OC90: variants seen among roughly 807,000 people sequenced by gnomAD.
OC90 encodes the protein otoconin-90.
OC90 carries 46 observed loss-of-function variants against 47.3 expected under a neutral mutation model. That is an observed-to-expected ratio of 0.97 (90% confidence interval 0.77 to 1.24). OC90 has a LOEUF of 1.24. Ranked by LOEUF, OC90 falls within the 50% of genes most tolerant of loss-of-function variation. The pLI is 0.00. For synonymous variants in OC90, 271 were observed against 219.5 expected, an observed-to-expected ratio of 1.23 and a Z score of -2.07; for missense variants, 688 against 583.9, an observed-to-expected ratio of 1.18 and a Z score of -1.84.
chr8:132,037,438 C>T lies in OC90; in HGVS notation c.679G>A (p.Glu227Lys), dbSNP rs1189431218. The T allele has an allele frequency of 3.8e-6, 6 of 1,582,074 alleles. No homozygotes were observed. Among genetic ancestry groups the T allele is most frequent in the Admixed American group, 1.8e-5 (1 of 55,642 alleles). Residue 227 changes from glutamate to lysine, a missense_variant and splice_region_variant, in exon 9 of 14, where the codon GAA (glutamate) becomes AAA (lysine). Glu to Lys is a moderately conservative substitution (Grantham distance 56, BLOSUM62 1). Transcript: ENST00000254627. ...TCCACACTAGCCCCTTCTGGCTCACCTTCTCCTGAAAGGGCTGTCAGGCTG... is the reference window on the plus strand; with the variant it reads ...TCCACACTAGCCCCTTCTGGCTCACTTTCTCCTGAAAGGGCTGTCAGGCTG... ...DTSLTALSGE[E>K]AGHDQEGVGA...
Position 132,055,201 on chromosome 8 carries a change from G to A in OC90, c.-47-128C>T, listed in dbSNP as rs144252765. 340 of 551,562 alleles carry A rather than the reference G, an allele frequency of 6.2e-4. 5 individuals are homozygous for A. The East Asian group carries it at 9.9e-3, about 16-fold the overall frequency. 34.2% of individuals were successfully genotyped at this position (551,562 alleles called of 1,614,324 possible). On this transcript the variant is annotated intron_variant, in intron 1 of 13. Transcript: ENST00000254627. Reference sequence around the variant, plus strand: ...TAAAAGGAGAAAGCCCTGAAAGGGTGTAGGTCCCAGTTTTGCCACTAACTG... The same window carrying A: ...TAAAAGGAGAAAGCCCTGAAAGGGTATAGGTCCCAGTTTTGCCACTAACTG...
At chr8:132,032,888 G>A (rs1822896183) in intron 11 of OC90, 151 bp downstream of exon 11, 2 of 879,464 alleles carry the variant, frequency 2.3e-6, no homozygotes, top group Non-Finnish European at 3.4e-6. Flanking sequence ...TCTCCTCTGA[G>A]CCTCAAGGTG....
chr8:132,025,571 C>T (rs774869786), intron 13 of OC90, among the ~76,000 whole-genome samples: 3 of 152,094 alleles, frequency 2.0e-5, no homozygotes, highest in Non-Finnish European at 4.4e-5. Flanking sequence ...TAGCTAACAG[C>T]CTGCCCCGGG....
chr8:132,029,659 A>T (rs1428037597), intron 12 of OC90, among the ~76,000 whole-genome samples: 1 of 152,204 alleles, frequency 6.6e-6, no homozygotes. Context: ...CTTAAAAAAG[A>T]GCAGAGTAAC....
At chr8:132,051,708 C>T (rs757847631) in intron 2 of OC90, among the ~76,000 whole-genome samples, 1 of 152,098 alleles carries the variant, frequency 6.6e-6, no homozygotes, top group Non-Finnish European at 1.5e-5. Context: ...AACTTAAGAC[C>T]GAGGACTGTA....
intron 12 of OC90, among the ~76,000 whole-genome samples, chr8:132,030,723 TAAGTTTTG>T (rs1312555440): frequency 1.3e-5 from 2 of 152,008 alleles, no homozygotes; most frequent in African/African-American, 4.8e-5. Context: ...TGGTGGGAGG[TAAGTTTTG>T]AAGGCTGACT....
intron 5 of OC90, among the ~76,000 whole-genome samples, 160 bp from the exon 6 acceptor site, chr8:132,041,316 G>A (rs1429146719): frequency 1.3e-5 from 2 of 152,282 alleles, no homozygotes; most frequent in East Asian, 3.9e-4. Context: ...ACATAACATA[G>A]GATCTTAATA....
chr8:132,037,586 G>A, intron 8 of OC90, 98 bp from the exon 9 acceptor site: 1 of 1,000,434 alleles, frequency 1.0e-6, no homozygotes, highest in East Asian at 2.6e-5. Context: ...GCTGGCCCAA[G>A]GGAGGAAAGG....
chr8:132,051,145 T>A (rs1445989258), intron 2 of OC90, among the ~76,000 whole-genome samples: 4 of 152,182 alleles, frequency 2.6e-5, no homozygotes, highest in African/African-American at 9.7e-5. Flanking sequence ...ACTCTAGAGA[T>A]GAGAAAACTG....
At position 132,024,643 on chromosome 8, in the gene OC90, G is replaced by A. The variant is rs749615461; in HGVS notation, c.1272C>T (p.Ala424=). Residue 424 remains alanine (A), a synonymous_variant, in exon 14 of 14, where the codon GCC becomes GCT. Transcript: ENST00000254627. ...GCACAGGGTGCAGGCTGTCTTCACA[G>A]GCTGCTGGCTGCCCAGGGCACCCGA... ...SRLGCPGQPA[A]CEDSLHPVPA... The A allele has an allele frequency of 4.3e-6, 7 of 1,613,124 alleles. No homozygotes were observed. Among genetic ancestry groups the A allele is most frequent in the Admixed American group, 1.7e-5 (1 of 59,972 alleles).
rs899768213 is a variant in OC90 at position 132,055,002 on chromosome 8, C to T, written c.25G>A (p.Val9Met). 37 of 1,550,862 alleles carry T rather than the reference C, an allele frequency of 2.4e-5. No individual in the cohort carries two copies. In the Admixed American group the frequency reaches 6.9e-4, roughly 29 times the overall value. The change falls in exon 2 of 14, where the codon GTG becomes ATG. Residue 9 changes from valine to methionine, a missense_variant. Val to Met is a conservative substitution (Grantham distance 21). Coordinates refer to ENST00000254627, the MANE Select transcript of OC90 (RefSeq NM_001080399.3). ...TCACCGGCATGGGGGATCATCAGCACACTGGTGAGGAGAAACGCAATCATA... is the reference window on the plus strand; with the variant it reads ...TCACCGGCATGGGGGATCATCAGCATACTGGTGAGGAGAAACGCAATCATA... MIAFLLTS[V>M]LMIPHAGGHP...
intron 2 of OC90, among the ~76,000 whole-genome samples, chr8:132,052,914 CCCGGT>C (rs1277236322): frequency 4.5e-5 from 6 of 133,192 alleles, no homozygotes; most frequent in African/African-American, 8.0e-5. Flanking sequence ...CTTTTTCTCA[CCCGGT>C]ACGTACGGCT....
intron 6 of OC90, among the ~76,000 whole-genome samples, chr8:132,040,030 C>T (rs1823029836): frequency 1.3e-5 from 2 of 152,330 alleles, no homozygotes; most frequent in African/African-American, 4.8e-5. Flanking sequence ...CTATCCCCAG[C>T]ACAGAAGATT....
At chr8:132,041,819 A>C in intron 4 of OC90, 120 bp from the exon 5 acceptor site, 1 of 583,762 alleles carries the variant, frequency 1.7e-6, no homozygotes, top group South Asian at 2.2e-5. Flanking sequence ...GTAAGCACCT[A>C]CTCTGTAATA....
chr8:132,057,541 G>A (rs1382807675), intron 1 of OC90, among the ~76,000 whole-genome samples: 5 of 152,288 alleles, frequency 3.3e-5, no homozygotes, highest in African/African-American at 1.2e-4. Flanking sequence ...TTCAGTAGGG[G>A]AAGATGAAAA....
At chr8:132,033,017 G>A in intron 11 of OC90, 22 bp downstream of exon 11, 1 of 1,604,474 alleles carries the variant, frequency 6.2e-7, no homozygotes, top group South Asian at 1.1e-5. Context: ...CAGCGGAGAG[G>A]ACAGACACTG....
At chr8:132,027,719 G>A (rs1822779533) in intron 13 of OC90, among the ~76,000 whole-genome samples, 1 of 152,212 alleles carries the variant, frequency 6.6e-6, no homozygotes. Flanking sequence ...AGGCCCTGAA[G>A]GGATACAGAG....
chr8:132,032,378 C>T (rs535821065), intron 11 of OC90, among the ~76,000 whole-genome samples: 3 of 152,270 alleles, frequency 2.0e-5, no homozygotes, highest in South Asian at 4.1e-4. Context: ...GTAGACCTGG[C>T]ATCCTGGGAG....
intron 2 of OC90, among the ~76,000 whole-genome samples, chr8:132,054,147 C>T (rs1014662845): frequency 6.6e-6 from 1 of 152,186 alleles, no homozygotes; most frequent in African/African-American, 2.4e-5. Context: ...TGCACAGAGG[C>T]CTCGTCCCCT....
Sources: gnomAD v4.1 joint callset for allele counts (sites outside exome capture counted in the v4.1 genomes callset) on GRCh38, gnomAD v4.1.1 for gene constraint, MANE v1.5 for transcripts, NCBI Gene and HGNC (gene_info 2026-07-23, HGNC 2026-07-21) for gene names.